Variants in UBE2H observed in about 807,000 individuals in gnomAD.
UBE2H encodes the protein ubiquitin-conjugating enzyme E2 H.
A neutral mutation model predicts 29.0 loss-of-function variants in UBE2H; 3 were observed. The observed-to-expected ratio is 0.10, with a 90% CI of 0.05 to 0.27. UBE2H has a LOEUF of 0.27. Among genes scored for constraint, UBE2H ranks in the 10% least tolerant of loss-of-function variants. The pLI, the probability that UBE2H is intolerant of heterozygous loss-of-function variation, is 1.00. For synonymous variants in UBE2H, 69 were observed against 82.9 expected, an observed-to-expected ratio of 0.83 and a Z score of 0.91; for missense variants, 68 against 228.2, an observed-to-expected ratio of 0.30 and a Z score of 4.52.
rs554741871 is a variant in UBE2H, at chr7:129,895,629, G to A, written c.54-14658C>T. ...AAAAACATCCTACTAGGCCAGGCACGGTGGCTCACACCTGTAATCGCAGCA... is the reference window on the plus strand; with the variant it reads ...AAAAACATCCTACTAGGCCAGGCACAGTGGCTCACACCTGTAATCGCAGCA... On this transcript the variant is annotated intron_variant, in intron 1 of 6. Transcript: ENST00000355621. 1.1e-4 allele frequency among the ~76,000 whole-genome samples: 16 copies of A among 152,074 alleles called. 1 individual carries two copies. The highest frequency in any genetic ancestry group is 4.6e-4 in the Admixed American group (7 of 15,258).
chr7:129,848,052 GT>G (rs879485472), intron 5 of UBE2H, among the ~76,000 whole-genome samples: 3 of 152,148 alleles, frequency 2.0e-5, no homozygotes, highest in African/African-American at 7.2e-5. Flanking sequence ...ATCAGAGAAA[GT>G]TTCCTTAAAA....
intron 1 of UBE2H, among the ~76,000 whole-genome samples, chr7:129,899,181 A>G (rs1490610740): frequency 2.6e-5 from 4 of 152,212 alleles, no homozygotes; most frequent in Non-Finnish European, 5.9e-5. Flanking sequence ...TAGTTACAAT[A>G]AACATCCCAG....
chr7:129,852,391 C>T (rs1037282650), intron 5 of UBE2H, among the ~76,000 whole-genome samples: 2 of 151,620 alleles, frequency 1.3e-5, no homozygotes, highest in Admixed American at 6.6e-5. Context: ...GGCGTGAACC[C>T]GGGAGGCGGA....
At chr7:129,888,791 C>T (rs77260059) in intron 1 of UBE2H, among the ~76,000 whole-genome samples, 13 of 152,218 alleles carry the variant, frequency 8.5e-5, no homozygotes, top group Non-Finnish European at 1.8e-4. Context: ...ACTACTCTTA[C>T]ACAGAGACTG....
intron 3 of UBE2H, among the ~76,000 whole-genome samples, chr7:129,862,678 T>C (rs1235057699): frequency 1.3e-5 from 2 of 152,172 alleles, no homozygotes; most frequent in African/African-American, 4.8e-5. Context: ...CATTAGGAGC[T>C]TGCCTGATGC....
chr7:129,915,359 A>C (rs1353930288), intron 1 of UBE2H, among the ~76,000 whole-genome samples: 2 of 152,052 alleles, frequency 1.3e-5, no homozygotes, highest in Non-Finnish European at 2.9e-5. Context: ...ACACAGTGGA[A>C]CCCCGTCCAC....
At chr7:129,941,814 CAACT>C (rs775781279) in intron 1 of UBE2H, among the ~76,000 whole-genome samples, 6 of 152,016 alleles carry the variant, frequency 3.9e-5, no homozygotes, top group African/African-American at 4.8e-5. Context: ...AATGTAACAA[CAACT>C]ATTACAAATC....
chr7:129,863,811 T>G (rs1805845538), intron 3 of UBE2H, among the ~76,000 whole-genome samples: 1 of 150,820 alleles, frequency 6.6e-6, no homozygotes, highest in South Asian at 2.1e-4. Context: ...ACTAGGTGTT[T>G]TTTTTTTTTT....
rs139421362 is a variant in UBE2H, at chr7:129,940,614, A to G, written c.53+11889T>C. On this transcript the variant is annotated intron_variant, in intron 1 of 6. Coordinates refer to ENST00000355621, the MANE Select transcript of UBE2H (RefSeq NM_003344.4). ...CCTACATAACGTCCTAGATACCTAC[A>G]AAGCAGGGAGAGGCAAAAAGGATCC... 1.6e-3 allele frequency among the ~76,000 whole-genome samples: 238 copies of G among 152,280 alleles called. 2 individuals carry two copies. The highest frequency in any genetic ancestry group is 0.015 in the South Asian group (71 of 4,820).
At chr7:129,928,272 C>G (rs1488995513) in intron 1 of UBE2H, among the ~76,000 whole-genome samples, 1 of 151,802 alleles carries the variant, frequency 6.6e-6, no homozygotes, top group African/African-American at 2.4e-5. Context: ...CAGAGCAAGT[C>G]TCTGTCTCAA....
intron 1 of UBE2H, among the ~76,000 whole-genome samples, chr7:129,928,241 G>C (rs1584791729): frequency 6.6e-6 from 1 of 151,904 alleles, no homozygotes; most frequent in African/African-American, 2.4e-5. Flanking sequence ...CAGGAGAAGT[G>C]CTTCAACTCC....
intron 1 of UBE2H, among the ~76,000 whole-genome samples, chr7:129,945,818 G>A (rs1198704538): frequency 2.6e-5 from 4 of 151,752 alleles, no homozygotes; most frequent in African/African-American, 9.7e-5. Context: ...TCAGCTCACC[G>A]CAACCTCCAC....
intron 1 of UBE2H, among the ~76,000 whole-genome samples, chr7:129,937,306 G>A (rs928538713): frequency 3.4e-4 from 51 of 152,110 alleles, no homozygotes; most frequent in African/African-American, 1.1e-3. Flanking sequence ...TTCGGCCTGG[G>A]CAACAGAGTG....
intron 1 of UBE2H, among the ~76,000 whole-genome samples, chr7:129,945,955 A>T (rs2116530142): frequency 6.6e-6 from 1 of 151,996 alleles, no homozygotes; most frequent in East Asian, 1.9e-4. Flanking sequence ...CACGTTAGTC[A>T]AGCAGGTCTC....
chr7:129,937,941 T>C (rs1418538111), intron 1 of UBE2H, among the ~76,000 whole-genome samples: 2 of 152,212 alleles, frequency 1.3e-5, no homozygotes, highest in Non-Finnish European at 2.9e-5. Context: ...CCCTTGATAA[T>C]TGTGTTATCA....
intron 1 of UBE2H, among the ~76,000 whole-genome samples, chr7:129,943,629 T>C (rs1332763903): frequency 6.6e-6 from 1 of 152,160 alleles, no homozygotes; most frequent in Non-Finnish European, 1.5e-5. Flanking sequence ...TGGCCAGGCA[T>C]CGTGGCTCAC....
At chr7:129,849,389 C>A (rs1584742192) in intron 5 of UBE2H, among the ~76,000 whole-genome samples, 1 of 152,048 alleles carries the variant, frequency 6.6e-6, no homozygotes, top group Non-Finnish European at 1.5e-5. Flanking sequence ...ACCAACCTGG[C>A]CAACATGGTG....
intron 5 of UBE2H, among the ~76,000 whole-genome samples, chr7:129,849,629 G>T (rs1805573445): frequency 6.6e-6 from 1 of 152,070 alleles, no homozygotes; most frequent in South Asian, 2.1e-4. Context: ...CAACTTCAGT[G>T]ACAAAAAGCC....
intron 1 of UBE2H, chr7:129,948,942 ACT>A (rs1807818455): frequency 4.4e-6 from 2 of 452,882 alleles, no homozygotes; most frequent in South Asian, 1.6e-5. Context: ...ATATAAACAC[ACT>A]CTCTTGTCAC....
Sources: allele counts gnomAD v4.1 joint callset (sites outside exome capture counted in the v4.1 genomes callset), GRCh38; gene constraint gnomAD v4.1.1; transcripts MANE v1.5; gene names NCBI Gene and HGNC (gene_info 2026-07-23, HGNC 2026-07-21).